Variants in RIC8B observed in about 807,000 individuals in gnomAD.
The protein encoded by RIC8B is chaperone Ric-8B.
RIC8B carries 16 observed loss-of-function variants against 57.5 expected under a neutral mutation model. The observed-to-expected ratio is 0.28, with a 90% confidence interval of 0.19 to 0.42. The LOEUF is 0.42. Among genes scored for constraint, RIC8B ranks in the 10% least tolerant of loss-of-function variants. The pLI, the probability that RIC8B is intolerant of heterozygous loss-of-function variation, is 1.00. For synonymous variants in RIC8B, 216 were observed against 250.8 expected (o/e 0.86, Z 1.31); for missense variants, 481 against 677.0 (o/e 0.71, Z 3.21).
intron 4 of RIC8B, among the ~76,000 whole-genome samples, chr12:106,826,165 A>G (rs907931353): frequency 1.3e-5 from 2 of 152,232 alleles, no homozygotes; most frequent in African/African-American, 2.4e-5. Context: ...TAAGTGCTTT[A>G]TAACGATAAC....
chr12:106,871,941 G>A (rs1048723639), intron 9 of RIC8B, among the ~76,000 whole-genome samples: 5 of 152,202 alleles, frequency 3.3e-5, no homozygotes, highest in East Asian at 1.9e-4. Context: ...GACTGACATG[G>A]GGAGTGTGAC....
intron 6 of RIC8B, among the ~76,000 whole-genome samples, chr12:106,849,321 T>TTATC (rs1295082826): frequency 3.4e-4 from 46 of 134,068 alleles, no homozygotes; most frequent in African/African-American, 1.1e-3. Flanking sequence ...ATTTATTTAT[T>TTATC]TATCTATTTT....
Position 106,774,709 on chromosome 12 carries a change from C to CG in RIC8B, c.-36dup. 1 of 1,510,054 alleles carries CG rather than the reference C, an allele frequency of 6.6e-7. No individual in the cohort carries two copies. The highest frequency in any genetic ancestry group is 8.9e-7 in the Non-Finnish European group (1 of 1,120,398). The allele number at this position is 1,510,054 out of a possible 1,614,324, so 93.5% of individuals were successfully genotyped here. ...GTTTACCTGGAGGCAGCGGCTTGGG[C>CG]GCGCAGAGCGGCCGCGGCTCCCCCG... On this transcript the variant is annotated 5_prime_UTR_variant, in exon 1 of 10. Coordinates refer to ENST00000392837, the MANE Select transcript of RIC8B (RefSeq NM_001330145.2).
chr12:106,822,844 G>A (rs2045915308), intron 3 of RIC8B: 1 of 152,484 alleles, frequency 6.6e-6, no homozygotes, highest in Non-Finnish European at 1.5e-5. Context: ...AATCTCACAA[G>A]CCAACACAAG....
At chr12:106,865,105 G>C (rs1278028019) in intron 8 of RIC8B, among the ~76,000 whole-genome samples, 1 of 152,072 alleles carries the variant, frequency 6.6e-6, no homozygotes, top group Non-Finnish European at 1.5e-5. Context: ...CCTGCTTTCT[G>C]CTCTCTTGCG....
rs140632224 is a variant in RIC8B at position 106,836,406 on chromosome 12, A to G, written c.837-6183A>G. Among the ~76,000 whole-genome samples, 150 of 152,270 alleles carry G rather than the reference A, an allele frequency of 9.9e-4. 3 individuals are homozygous for G. The East Asian group carries it at 0.026, about 26-fold the overall frequency. Reference sequence around the variant, plus strand: ...CTCACCTAGCTAATTTCCTATTAACATCTCCACTTGGATGTCAACTAGACA... The same window carrying G: ...CTCACCTAGCTAATTTCCTATTAACGTCTCCACTTGGATGTCAACTAGACA... On this transcript the variant is annotated intron_variant, in intron 4 of 9. Transcript: ENST00000392837.
chr12:106,872,954 G>A, intron 9 of RIC8B: 1 of 863,796 alleles, frequency 1.2e-6, no homozygotes, highest in Non-Finnish European at 1.4e-6. Flanking sequence ...TACTAATAGA[G>A]GAACTACCAT....
At chr12:106,817,221 C>T (rs993967655) in intron 3 of RIC8B, among the ~76,000 whole-genome samples, 1 of 152,222 alleles carries the variant, frequency 6.6e-6, no homozygotes, top group African/African-American at 2.4e-5. Flanking sequence ...AAATAATAGG[C>T]ATTGTCTTTG....
At chr12:106,866,509 T>C (rs1024240826) in intron 8 of RIC8B, among the ~76,000 whole-genome samples, 1 of 152,148 alleles carries the variant, frequency 6.6e-6, no homozygotes, top group Non-Finnish European at 1.5e-5. Flanking sequence ...ACATCTCCTT[T>C]CCCACCCGCC....
chr12:106,867,843 G>A lies in RIC8B; in HGVS notation c.1452-2980G>A, dbSNP rs910269090. Among the ~76,000 whole-genome samples, 22 of 152,040 alleles carry A rather than the reference G, an allele frequency of 1.4e-4. No homozygotes were observed. Among genetic ancestry groups the A allele is most frequent in the African/African-American group, 4.3e-4 (18 of 41,386 alleles). On this transcript the variant is annotated intron_variant, in intron 8 of 9. Transcript: ENST00000392837. This position sits in a 1 kb window ranked among gnomAD's most constrained non-coding sequence, Gnocchi z 4.3. ...TGTTTACATTCTTCCGAATATCCAG[G>A]GGAAAAATGTCTTTTTAAAGGAAAA...
At chr12:106,824,590 A>T (rs377583070) in intron 3 of RIC8B, among the ~76,000 whole-genome samples, 4 of 152,120 alleles carry the variant, frequency 2.6e-5, no homozygotes, top group African/African-American at 9.7e-5. Context: ...TGGACTTGAA[A>T]TCGATGATAT....
chr12:106,790,142 C>CAG (rs2044205248), intron 2 of RIC8B, among the ~76,000 whole-genome samples: 1 of 152,150 alleles, frequency 6.6e-6, no homozygotes, highest in South Asian at 2.1e-4. Context: ...TGCTAACACT[C>CAG]ACACCACTAG....
At chr12:106,818,473 T>A (rs1202054256) in intron 3 of RIC8B, among the ~76,000 whole-genome samples, 2 of 152,102 alleles carry the variant, frequency 1.3e-5, no homozygotes, top group African/African-American at 2.4e-5. Context: ...CTCTCTTTTT[T>A]AACTAAAGAA....
intron 9 of RIC8B, among the ~76,000 whole-genome samples, chr12:106,880,618 G>T (rs1593410644): frequency 1.3e-5 from 2 of 151,982 alleles, no homozygotes; most frequent in East Asian, 3.8e-4. Flanking sequence ...GTGAAAAGGG[G>T]GCTTGACTTC....
chr12:106,787,141 G>A (rs2044066613), intron 2 of RIC8B, among the ~76,000 whole-genome samples: 1 of 152,188 alleles, frequency 6.6e-6, no homozygotes, highest in Non-Finnish European at 1.5e-5. Context: ...TCTGAAGAGA[G>A]TAACTACTCT....
In RIC8B at chr12:106,837,638, TG is replaced by T. The variant is rs778633967; in HGVS notation, c.837-4950del. 1.4e-4 allele frequency among the ~76,000 whole-genome samples: 20 copies of T among 144,946 alleles called. 1 individual carries two copies. The highest frequency in any genetic ancestry group is 7.8e-4 in the East Asian group (4 of 5,140). On this transcript the variant is annotated intron_variant, in intron 4 of 9. Coordinates refer to ENST00000392837, the MANE Select transcript of RIC8B (RefSeq NM_001330145.2). Reference sequence around the variant, plus strand: ...TATTTATTTACATCTGAAAATCTTTTGTTTTTTTTTTTTTTTTTTTTGACAG... The same window carrying T: ...TATTTATTTACATCTGAAAATCTTTTTTTTTTTTTTTTTTTTTTTTGACAG...
Position 106,879,278 on chromosome 12 carries a change from C to A in RIC8B, c.1572-6626C>A. The A allele has an allele frequency of 1.0e-6, 1 of 985,330 alleles. No homozygotes were observed. The highest frequency in any genetic ancestry group is 1.2e-6 in the Non-Finnish European group (1 of 829,878). The allele number at this position is 985,330 out of a possible 1,614,324, so 61.0% of individuals were successfully genotyped here. A position where few individuals can be genotyped will look rare whatever the true frequency, so the allele number is the denominator to read the frequency against. On this transcript the variant is annotated intron_variant, in intron 9 of 9. Coordinates refer to ENST00000392837, the MANE Select transcript of RIC8B (RefSeq NM_001330145.2). The surrounding 1 kb of genome is among the most constrained non-coding windows in gnomAD (Gnocchi z 4.9). ...AACATGTGCTGTGGGCAAGAGTATT[C>A]TCTTGCTTTCAGGTCAAGTAAAGTG...
intron 3 of RIC8B, chr12:106,822,873 C>T (rs1358827158): frequency 6.5e-6 from 1 of 152,748 alleles, no homozygotes; most frequent in Non-Finnish European, 1.5e-5. Flanking sequence ...TTTTATGATT[C>T]CATACGTGTA....
chr12:106,791,033 C>CT (rs1334338637), intron 2 of RIC8B, among the ~76,000 whole-genome samples: 1 of 152,090 alleles, frequency 6.6e-6, no homozygotes, highest in Non-Finnish European at 1.5e-5. Context: ...ATGAAAAGAA[C>CT]TTGGTGAGTG....
Sources: allele counts gnomAD v4.1 joint callset (sites outside exome capture counted in the v4.1 genomes callset), GRCh38; gene constraint gnomAD v4.1.1; non-coding constraint Gnocchi (gnomAD v3.1); transcripts MANE v1.5; gene names NCBI Gene and HGNC (gene_info 2026-07-23, HGNC 2026-07-21).